The following ADGRL1 variants were observed in gnomAD, a reference collection of about 807,000 sequenced individuals.
The protein encoded by ADGRL1 is adhesion G protein-coupled receptor L1, also known as CIRL-1.
A neutral mutation model predicts 148.9 loss-of-function variants in ADGRL1; 31 were observed. The observed-to-expected ratio is 0.21, with a 90% CI of 0.16 to 0.28. The LOEUF (loss-of-function observed/expected upper bound fraction) is 0.28, where lower values mean the gene tolerates loss of function less well. Ranked by LOEUF, ADGRL1 falls within the 10% of genes least tolerant of loss-of-function variation. The pLI is 1.00. For synonymous variants in ADGRL1, 937 were observed against 900.3 expected, an observed-to-expected ratio of 1.04 and a Z score of -0.73; for missense variants, 1,521 against 2,058.8, an observed-to-expected ratio of 0.74 and a Z score of 5.05.
Position 14,152,940 on chromosome 19 carries a change from T to C in ADGRL1, c.3295-28A>G. ...GGGAGGTGGAGGACAGTCAGCTGGC[T>C]GGGACACTGGCCTCCTCTGTGATCC... On this transcript the variant is annotated intron_variant, in intron 18 of 22. Transcript: ENST00000361434. The surrounding 1 kb of genome is among the most constrained non-coding windows in gnomAD (Gnocchi z 6.1). 1 of 1,610,914 alleles carries C rather than the reference T, an allele frequency of 6.2e-7. No individual in the cohort carries two copies. Among genetic ancestry groups the C allele is most frequent in the Non-Finnish European group, 8.5e-7 (1 of 1,178,758 alleles).
At position 14,155,407 on chromosome 19, in the gene ADGRL1, G is replaced by A. The variant is rs959136805; in HGVS notation, c.3246C>T (p.Ala1082=). 8 of 1,614,162 alleles carry A rather than the reference G, an allele frequency of 5.0e-6. No homozygotes were observed. The highest frequency in any genetic ancestry group is 5.9e-6 in the Non-Finnish European group (7 of 1,180,018). The change falls in exon 18 of 23, where the codon GCC becomes GCT. Residue 1082 remains alanine, a synonymous_variant. Coordinates refer to ENST00000361434, the MANE Select transcript of ADGRL1 (RefSeq NM_014921.5). The surrounding 1 kb of genome is among the most constrained non-coding windows in gnomAD (Gnocchi z 5.0). ...AGACGAAGATGAAGACCCCCTGGAA[G>A]GCGTTGAAGGTGGTGAAGAGATAGG... is the stretch of plus-strand genomic sequence containing the variant. ...VMAYLFTTFN[A]FQGVFIFVFH...
chr19:14,183,218 C>T (rs56280553), intron 2 of ADGRL1, among the ~76,000 whole-genome samples: 4 of 124,868 alleles, frequency 3.2e-5, no homozygotes, highest in Admixed American at 8.0e-5. Flanking sequence ...AGAGAGAGAG[C>T]GAGAGAGAGA....
chr19:14,181,575 C>A (rs1465389125), intron 2 of ADGRL1, among the ~76,000 whole-genome samples: 1 of 152,018 alleles, frequency 6.6e-6, no homozygotes, highest in East Asian at 1.9e-4. Flanking sequence ...AAAAAATTAG[C>A]CGGGCATGGT....
At chr19:14,154,939 A>G (rs543330477) in intron 18 of ADGRL1, among the ~76,000 whole-genome samples, 12 of 152,172 alleles carry the variant, frequency 7.9e-5, no homozygotes, top group Non-Finnish European at 1.6e-4. Flanking sequence ...TAAGATTCAG[A>G]TTTTAACACA....
In ADGRL1 at chr19:14,177,761, G is replaced by A; in HGVS notation, c.71-17C>T. On this transcript the variant is annotated splice_polypyrimidine_tract_variant and intron_variant, in intron 2 of 22. Coordinates refer to ENST00000361434, the MANE Select transcript of ADGRL1 (RefSeq NM_014921.5). The stretch of plus-strand genomic sequence containing the variant: ...GGCTCAGGCCTGCAGGGAGGGTTGG[G>A]GATGGTGTCACTCCTGGGCCTGGGC... The A allele has an allele frequency of 1.2e-6, 2 of 1,603,204 alleles. No homozygotes were observed. The highest frequency in any genetic ancestry group is 3.4e-4 in the Middle Eastern group (2 of 5,954).
chr19:14,163,497 AGGGGG>A (rs879509404), intron 4 of ADGRL1, 91 bp from the exon 5 acceptor site: 55 of 720,522 alleles, frequency 7.6e-5, no homozygotes, highest in Admixed American at 3.6e-4. Context: ...AGAGAGAGAG[AGGGGG>A]GAGAGAGGCA....
At chr19:14,154,544 C>A (rs1568567806) in intron 18 of ADGRL1, among the ~76,000 whole-genome samples, 1 of 152,190 alleles carries the variant, frequency 6.6e-6, no homozygotes, top group African/African-American at 2.4e-5. Flanking sequence ...CCTGCCTCAG[C>A]CTCCCAAAGT....
In ADGRL1 at chr19:14,183,604, G is replaced by A. The variant is rs1212372338; in HGVS notation, c.-2C>T. The A allele has an allele frequency of 1.3e-6, 2 of 1,571,980 alleles. No individual in the cohort carries two copies. The highest frequency in any genetic ancestry group is 1.7e-6 in the Non-Finnish European group (2 of 1,158,346). On this transcript the variant is annotated 5_prime_UTR_variant, in exon 2 of 23. Coordinates refer to ENST00000361434, the MANE Select transcript of ADGRL1 (RefSeq NM_014921.5). ...GAGCACTGCGGCTAGGCGGGCCATG[G>A]TGGCAGCCGGGTGCGTGTCCGGAGC...
chr19:14,186,934 G>A (rs1414161362), intron 1 of ADGRL1, among the ~76,000 whole-genome samples: 3 of 152,184 alleles, frequency 2.0e-5, no homozygotes, highest in South Asian at 2.1e-4. Flanking sequence ...AACAGTCCTC[G>A]CCTGCTGCCC....
intron 3 of ADGRL1, among the ~76,000 whole-genome samples, chr19:14,175,609 C>T (rs951783184): frequency 9.9e-5 from 15 of 152,124 alleles, no homozygotes; most frequent in African/African-American, 3.1e-4. Flanking sequence ...CTCATACAGA[C>T]ACACTCAGAC....
intron 1 of ADGRL1, among the ~76,000 whole-genome samples, chr19:14,191,899 T>C (rs1207820102): frequency 3.3e-5 from 5 of 152,160 alleles, no homozygotes; most frequent in Non-Finnish European, 1.5e-5. Context: ...GGTCTCGCTA[T>C]GTCGCCCAGG....
At chr19:14,182,021 G>A (rs1440378937) in intron 2 of ADGRL1, among the ~76,000 whole-genome samples, 2 of 152,282 alleles carry the variant, frequency 1.3e-5, no homozygotes, top group South Asian at 2.1e-4. Context: ...TGTACCACAC[G>A]GGGATGGAGA....
intron 2 of ADGRL1, among the ~76,000 whole-genome samples, chr19:14,182,720 G>A (rs571719797): frequency 6.6e-6 from 1 of 152,334 alleles, no homozygotes; most frequent in African/African-American, 2.4e-5. Flanking sequence ...CGGCCCAGCT[G>A]GGGCTATGGG....
intron 4 of ADGRL1, chr19:14,167,171 G>T: frequency 1.3e-6 from 1 of 769,296 alleles, no homozygotes; most frequent in Non-Finnish European, 2.2e-6. Context: ...CCTCGCTCCT[G>T]CTTCCCCAAC....
chr19:14,170,566 C>T, intron 4 of ADGRL1, 116 bp downstream of exon 4: 1 of 640,602 alleles, frequency 1.6e-6, no homozygotes. Context: ...GCCCGGCTGT[C>T]CCCACTGTGC....
At position 14,161,632 on chromosome 19, in the gene ADGRL1, G is replaced by C. The variant is rs1441755542; in HGVS notation, c.1196-6C>G. The stretch of plus-strand genomic sequence containing the variant: ...GGGTGGGGAAGTGGCTGGGCCTGGA[G>C]AGGGGATACGAGACAGGGTCATCCC... On this transcript the variant is annotated splice_polypyrimidine_tract_variant and splice_region_variant and intron_variant, in intron 5 of 22. Transcript: ENST00000361434. This position sits in a 1 kb window ranked among gnomAD's most constrained non-coding sequence, Gnocchi z 4.4. 5.0e-6 allele frequency: 7 copies of C among 1,398,730 alleles called. No homozygotes were observed. The highest frequency in any genetic ancestry group is 6.5e-6 in the Non-Finnish European group (7 of 1,081,376). The allele number at this position is 1,398,730 out of a possible 1,614,324, so 86.6% of individuals were successfully genotyped here. A position where few individuals can be genotyped will look rare whatever the true frequency, so the allele number is the denominator to read the frequency against.
intron 1 of ADGRL1, among the ~76,000 whole-genome samples, chr19:14,188,736 C>G (rs1472236697): frequency 6.6e-6 from 1 of 152,204 alleles, no homozygotes; most frequent in South Asian, 2.1e-4. Context: ...CCTTTGCCTC[C>G]GACGTCCAGG....
Position 14,159,238 on chromosome 19 carries a change from G to A in ADGRL1, c.2024-23C>T, listed in dbSNP as rs1479839506. 6.2e-7 allele frequency: 1 copy of A among 1,613,190 alleles called. No individual in the cohort carries two copies. The highest frequency in any genetic ancestry group is 1.3e-5 in the African/African-American group (1 of 74,934). Reference sequence around the variant, plus strand: ...GGACTGTGGGGACAGGGGAAGGCAAGGCATACACAGTTGGGGTCTGTTCCC... The same window carrying A: ...GGACTGTGGGGACAGGGGAAGGCAAAGCATACACAGTTGGGGTCTGTTCCC... On this transcript the variant is annotated intron_variant, in intron 10 of 22. Coordinates refer to ENST00000361434, the MANE Select transcript of ADGRL1 (RefSeq NM_014921.5). This position sits in a 1 kb window ranked among gnomAD's most constrained non-coding sequence, Gnocchi z 6.0.
intron 4 of ADGRL1, chr19:14,164,558 G>A (rs1969766174): frequency 6.6e-6 from 1 of 152,276 alleles, no homozygotes; most frequent in Non-Finnish European, 1.5e-5. Flanking sequence ...CCAGGCGCTA[G>A]GATAAAGACC....
Sources: gnomAD v4.1 joint callset for allele counts (sites outside exome capture counted in the v4.1 genomes callset) on GRCh38, gnomAD v4.1.1 for gene constraint, Gnocchi (gnomAD v3.1) non-coding constraint, MANE v1.5 for transcripts, NCBI Gene and HGNC (gene_info 2026-07-23, HGNC 2026-07-21) for gene names.